The following MTUS2 variants were observed in gnomAD, a reference collection of about 807,000 sequenced individuals.
MTUS2 encodes microtubule-associated tumor suppressor candidate 2.
In MTUS2, 40 loss-of-function variants were observed where a neutral mutation model predicts 114.1. That is an observed-to-expected ratio of 0.35 (90% CI 0.27 to 0.46). MTUS2 has a LOEUF of 0.46. MTUS2 is among the 20% of genes least tolerant of loss of function. The pLI is 1.00. For synonymous variants in MTUS2, 688 were observed against 672.0 expected, an observed-to-expected ratio of 1.02 and a Z score of -0.37; for missense variants, 1,679 against 1,705.4, an observed-to-expected ratio of 0.98 and a Z score of 0.27.
intron 5 of MTUS2, among the ~76,000 whole-genome samples, chr13:29,123,662 C>G (rs1042437333): frequency 6.6e-6 from 1 of 152,082 alleles, no homozygotes; most frequent in Non-Finnish European, 1.5e-5. Context: ...GAGCCAAGAT[C>G]ATGCCATTGT....
At position 29,070,766 on chromosome 13, in the gene MTUS2, T is replaced by G. The variant is rs189555171; in HGVS notation, c.2447-30007T>G. Among the ~76,000 whole-genome samples the G allele has an allele frequency of 3.4e-3, 523 of 152,286 alleles. 4 individuals carry two copies. Among genetic ancestry groups the G allele is most frequent in the Middle Eastern group, 6.8e-3 (2 of 294 alleles). On this transcript the variant is annotated intron_variant, in intron 4 of 15. Transcript: ENST00000612955. ...TTCTTGTTAGTTTCTACCTCTCTGT[T>G]TTCTCTTTCTTTCTGGAATTTCTGT... is the stretch of plus-strand genomic sequence containing the variant.
At chr13:29,135,445 G>A (rs1048703270) in intron 5 of MTUS2, among the ~76,000 whole-genome samples, 4 of 152,108 alleles carry the variant, frequency 2.6e-5, no homozygotes, top group Admixed American at 2.6e-4. Flanking sequence ...TCTCTTGTAG[G>A]CAGCGTATAG....
chr13:29,347,047 C>G (rs1236360721), intron 7 of MTUS2, among the ~76,000 whole-genome samples: 2 of 151,722 alleles, frequency 1.3e-5, no homozygotes, highest in African/African-American at 4.8e-5. Flanking sequence ...CCACCTCTTT[C>G]AAAGGGTCCG....
chr13:29,267,384 C>T (rs1252592252), intron 5 of MTUS2, among the ~76,000 whole-genome samples: 2 of 152,160 alleles, frequency 1.3e-5, no homozygotes. Context: ...AGTTCTGTCC[C>T]TTGTGTTTCT....
At chr13:28,973,710 T>C (rs1022973472) in intron 2 of MTUS2, among the ~76,000 whole-genome samples, 1 of 152,240 alleles carries the variant, frequency 6.6e-6, no homozygotes, top group African/African-American at 2.4e-5. Context: ...TTTGAAGGTT[T>C]ACATTTTGTA....
chr13:29,206,008 C>G (rs1410689834), intron 5 of MTUS2, among the ~76,000 whole-genome samples: 1 of 152,112 alleles, frequency 6.6e-6, no homozygotes. Flanking sequence ...GTGGTTTGTA[C>G]TAGTTTACAT....
At chr13:28,997,542 T>A (rs748744352) in intron 2 of MTUS2, among the ~76,000 whole-genome samples, 34 of 152,202 alleles carry the variant, frequency 2.2e-4, no homozygotes, top group Non-Finnish European at 4.0e-4. Context: ...TTTGTAGGTC[T>A]CTAAGGACTT....
intron 4 of MTUS2, among the ~76,000 whole-genome samples, chr13:29,041,619 TC>T (rs1887364493): frequency 6.6e-6 from 1 of 152,258 alleles, no homozygotes; most frequent in Admixed American, 6.5e-5. Context: ...GTGATTTTTT[TC>T]GGCAGTGTTT....
chr13:28,846,675 C>T (rs561786860), intron 2 of MTUS2, among the ~76,000 whole-genome samples: 90 of 152,268 alleles, frequency 5.9e-4, no homozygotes, highest in African/African-American at 2.1e-3. Context: ...ATTCAGAAAA[C>T]AAAGTAGTCT....
At chr13:29,190,644 C>A (rs1038351673) in intron 5 of MTUS2, among the ~76,000 whole-genome samples, 2 of 151,780 alleles carry the variant, frequency 1.3e-5, no homozygotes, top group Non-Finnish European at 2.9e-5. Flanking sequence ...AGGTGTGGTG[C>A]ACTGACTGAA....
In MTUS2 at chr13:28,978,907, T is replaced by C. The variant is rs1026525487; in HGVS notation, c.-242-45550T>C. Among the ~76,000 whole-genome samples the C allele has an allele frequency of 3.9e-5, 6 of 152,300 alleles. No homozygotes were observed. In the East Asian group the frequency reaches 1.2e-3, roughly 29 times the overall value. On this transcript the variant is annotated intron_variant, in intron 2 of 15. Transcript: ENST00000612955. Reference sequence around the variant, plus strand: ...GGAGTACAACCAGCCAGTGAGGCTCTTTCCTGGGATCTACCGCTCCATTTC... The same window carrying C: ...GGAGTACAACCAGCCAGTGAGGCTCCTTCCTGGGATCTACCGCTCCATTTC...
intron 2 of MTUS2, among the ~76,000 whole-genome samples, chr13:28,848,932 T>C (rs1019562072): frequency 3.5e-4 from 53 of 152,162 alleles, no homozygotes; most frequent in African/African-American, 1.3e-3. Flanking sequence ...CAAAGGATCT[T>C]ACCACCCCAA....
In MTUS2 at chr13:29,100,893, G is replaced by A. The variant is rs780725343; in HGVS notation, c.2567G>A (p.Arg856Gln). 1.8e-4 allele frequency: 287 copies of A among 1,568,444 alleles called. No individual in the cohort carries two copies. The highest frequency in any genetic ancestry group is 1.6e-3 in the Admixed American group (86 of 53,426). Reference protein sequence around the residue: ...AAKLAAFGFVRSSSVSSVSST... With the variant: ...AAKLAAFGFVQSSSVSSVSST... ...AAACTGGCGGCATTTGGCTTTGTCC[G>A]GAGCTCCAGCGTCTCCTCAGTCTCC... is the stretch of plus-strand genomic sequence containing the variant. Residue 856 changes from arginine (R) to glutamine (Q), a missense_variant, in exon 5 of 16, where the codon CGG becomes CAG. By Grantham distance (43) the Arg-to-Gln change is conservative. Around this residue, in one of 3 missense-constraint regions of MTUS2, gnomAD observed 822 missense variants for 899.7 expected, o/e 0.91. Transcript: ENST00000612955.
At chr13:29,159,092 G>C (rs1174348654) in intron 5 of MTUS2, among the ~76,000 whole-genome samples, 1 of 152,178 alleles carries the variant, frequency 6.6e-6, no homozygotes, top group East Asian at 1.9e-4. Flanking sequence ...GAATGTTCGT[G>C]ATTGATACTG....
intron 9 of MTUS2, among the ~76,000 whole-genome samples, chr13:29,445,983 G>T (rs984054457): frequency 6.6e-6 from 1 of 152,026 alleles, no homozygotes; most frequent in African/African-American, 2.4e-5. Context: ...GAAGTTGGTG[G>T]GTGGGACTGA....
intron 12 of MTUS2, among the ~76,000 whole-genome samples, chr13:29,494,821 C>T (rs541808401): frequency 6.6e-6 from 1 of 152,030 alleles, no homozygotes; most frequent in South Asian, 2.1e-4. Flanking sequence ...GGCAGATCAC[C>T]TGAGGTCAGG....
At chr13:29,118,571 G>A (rs1385970155) in intron 5 of MTUS2, among the ~76,000 whole-genome samples, 5 of 152,200 alleles carry the variant, frequency 3.3e-5, no homozygotes, top group East Asian at 1.9e-4. Flanking sequence ...CTGAGTGCTC[G>A]TGGGAAGCTG....
At chr13:28,921,891 G>A (rs75575976) in intron 2 of MTUS2, among the ~76,000 whole-genome samples, 4,833 of 152,264 alleles carry the variant, frequency 0.032, 236 homozygotes, top group African/African-American at 0.11. Context: ...ACACCATGCA[G>A]CCACTGCCAG....
At chr13:29,281,512 AT>A (rs1449411262) in intron 5 of MTUS2, among the ~76,000 whole-genome samples, 191 bp from the exon 6 acceptor site, 1 of 151,924 alleles carries the variant, frequency 6.6e-6, no homozygotes, top group African/African-American at 2.4e-5. Context: ...TGTGACAGAT[AT>A]TTATGCAGTG....
Sources: allele counts gnomAD v4.1 joint callset (sites outside exome capture counted in the v4.1 genomes callset), GRCh38; gene constraint gnomAD v4.1.1; regional missense constraint gnomAD v4.1.1; transcripts MANE v1.5; gene names NCBI Gene and HGNC (gene_info 2026-07-23, HGNC 2026-07-21).